KCNH1: variants seen among roughly 807,000 people sequenced by gnomAD.
KCNH1 encodes voltage-gated delayed rectifier potassium channel KCNH1.
A neutral mutation model predicts 69.2 loss-of-function variants in KCNH1; 27 were observed. The ratio of observed to expected loss-of-function variants is 0.39; its 90% CI spans 0.29 to 0.54. The LOEUF is 0.54. Ranked by LOEUF, KCNH1 falls within the 20% of genes least tolerant of loss-of-function variation. The pLI is 0.68. For missense variants in KCNH1, 798 were observed against 1,261.6 expected (o/e 0.63, Z 5.57); for synonymous variants, 456 against 487.7 (o/e 0.93, Z 0.86).
At chr1:210,995,133 G>A (rs775845849) in intron 6 of KCNH1, among the ~76,000 whole-genome samples, 1 of 152,042 alleles carries the variant, frequency 6.6e-6, no homozygotes, top group Non-Finnish European at 1.5e-5. Context: ...TACACAGAGA[G>A]GTGACAATAT....
At chr1:210,804,780 A>T (rs1684499833) in intron 7 of KCNH1, among the ~76,000 whole-genome samples, 1 of 152,210 alleles carries the variant, frequency 6.6e-6, no homozygotes. Flanking sequence ...GCAGTGAAGG[A>T]TGTTATATCC....
Position 211,026,543 on chromosome 1 carries a change from G to C in KCNH1, c.559-7287C>G, listed in dbSNP as rs567409102. On this transcript the variant is annotated intron_variant, in intron 5 of 10. Coordinates refer to ENST00000271751, the MANE Select transcript of KCNH1 (RefSeq NM_172362.3). ...TGTGCCCCCACCCCGCCTCAGCTACGCCAGCAGGGCCTACTAGGAAGCCTA... is the reference window on the plus strand; with the variant it reads ...TGTGCCCCCACCCCGCCTCAGCTACCCCAGCAGGGCCTACTAGGAAGCCTA... Among the ~76,000 whole-genome samples, 11 of 152,232 alleles carry C rather than the reference G, an allele frequency of 7.2e-5. No homozygotes were observed. In the East Asian group the frequency reaches 1.7e-3, roughly 24 times the overall value.
At chr1:210,839,229 G>A (rs534077289) in intron 7 of KCNH1, among the ~76,000 whole-genome samples, 17 of 152,284 alleles carry the variant, frequency 1.1e-4, no homozygotes, top group Middle Eastern at 3.4e-3. Flanking sequence ...CTATGCAGCC[G>A]TTAAAAGGAA....
intron 5 of KCNH1, among the ~76,000 whole-genome samples, chr1:211,073,678 G>T (rs1690684978): frequency 6.6e-6 from 1 of 151,986 alleles, no homozygotes; most frequent in Non-Finnish European, 1.5e-5. Context: ...ATGAAAAAGA[G>T]AATACAAATT....
At chr1:210,941,430 A>C (rs1687873479) in intron 6 of KCNH1, among the ~76,000 whole-genome samples, 1 of 152,138 alleles carries the variant, frequency 6.6e-6, no homozygotes. Flanking sequence ...AAGGTTTTAA[A>C]AAGCTGGTTT....
intron 7 of KCNH1, among the ~76,000 whole-genome samples, chr1:210,876,415 C>T (rs1686374465): frequency 6.6e-6 from 1 of 152,100 alleles, no homozygotes; most frequent in African/African-American, 2.4e-5. Context: ...GACAGCCACT[C>T]ATTGGAATTT....
intron 6 of KCNH1, among the ~76,000 whole-genome samples, chr1:210,971,178 C>T (rs1238676400): frequency 6.6e-6 from 1 of 152,048 alleles, no homozygotes; most frequent in East Asian, 1.9e-4. Flanking sequence ...GTCTCAAACT[C>T]CTGAGCTCAA....
At chr1:210,911,174 C>T (rs541442392) in intron 7 of KCNH1, among the ~76,000 whole-genome samples, 7 of 152,124 alleles carry the variant, frequency 4.6e-5, no homozygotes, top group Non-Finnish European at 8.8e-5. Context: ...CACAGATGCA[C>T]TATGATAAAT....
intron 6 of KCNH1, among the ~76,000 whole-genome samples, chr1:211,006,683 G>T (rs1011291250): frequency 3.3e-5 from 5 of 151,896 alleles, no homozygotes; most frequent in Admixed American, 1.3e-4. Context: ...CACTTTAAAA[G>T]AAATAATCAG....
At chr1:211,057,922 C>T (rs899891789) in intron 5 of KCNH1, among the ~76,000 whole-genome samples, 2 of 152,066 alleles carry the variant, frequency 1.3e-5, no homozygotes, top group African/African-American at 4.8e-5. Flanking sequence ...AATAATCAAA[C>T]TCCCAAAAGT....
chr1:210,747,712 A>G (rs1683192864), intron 10 of KCNH1, among the ~76,000 whole-genome samples: 2 of 151,960 alleles, frequency 1.3e-5, no homozygotes, highest in Non-Finnish European at 2.9e-5. Context: ...GCATGCTTGA[A>G]TGGCTTGAAT....
intron 9 of KCNH1, among the ~76,000 whole-genome samples, chr1:210,782,762 C>T (rs981543692): frequency 6.6e-6 from 1 of 152,014 alleles, no homozygotes; most frequent in Admixed American, 6.6e-5. Flanking sequence ...AGATTAGTGC[C>T]CTTATAAAAG....
intron 10 of KCNH1, among the ~76,000 whole-genome samples, chr1:210,739,090 T>C (rs1437539819): frequency 6.6e-6 from 1 of 152,220 alleles, no homozygotes; most frequent in African/African-American, 2.4e-5. Context: ...GTCAGACAGA[T>C]TGTCTTTCTA....
intron 7 of KCNH1, among the ~76,000 whole-genome samples, chr1:210,823,295 C>T (rs554036374): frequency 6.6e-6 from 1 of 152,198 alleles, no homozygotes; most frequent in African/African-American, 2.4e-5. Flanking sequence ...AAATGTTCCA[C>T]AAAAGAGAAC....
At chr1:211,095,140 A>G (rs1691122665) in intron 3 of KCNH1, among the ~76,000 whole-genome samples, 1 of 152,224 alleles carries the variant, frequency 6.6e-6, no homozygotes, top group Admixed American at 6.5e-5. Flanking sequence ...CTAGAGAGGC[A>G]ATAAATGCAA....
Position 211,019,124 on chromosome 1 carries a change from T to C in KCNH1, c.691A>G (p.Thr231Ala), listed in dbSNP as rs1330028407. ...ACATTATAAGGGACCAAGATGGCTG[T>C]ATAGAAGGTCAAGATCAAGATGATC... is the stretch of plus-strand genomic sequence containing the variant. ...DWIILILTFYTAILVPYNVSF... is the reference protein window; with the variant it reads ...DWIILILTFYAAILVPYNVSF... Residue 231 changes from threonine (T) to alanine (A), a missense_variant, in exon 6 of 11, where the codon ACA becomes GCA. Around this residue, in one of 4 missense-constraint regions of KCNH1, gnomAD observed 266 missense variants for 457.2 expected, o/e 0.58. Coordinates refer to ENST00000271751, the MANE Select transcript of KCNH1 (RefSeq NM_172362.3). The C allele has an allele frequency of 1.2e-6, 2 of 1,613,980 alleles. No individual in the cohort carries two copies. The highest frequency in any genetic ancestry group is 1.7e-5 in the Admixed American group (1 of 59,968).
chr1:211,089,892 T>C (rs1691022523), intron 4 of KCNH1, among the ~76,000 whole-genome samples: 2 of 152,250 alleles, frequency 1.3e-5, no homozygotes, highest in South Asian at 4.1e-4. Flanking sequence ...CCTGATGAGC[T>C]GGACCTCTTC....
At chr1:211,009,522 A>C (rs1274767584) in intron 6 of KCNH1, among the ~76,000 whole-genome samples, 2 of 152,132 alleles carry the variant, frequency 1.3e-5, no homozygotes, top group African/African-American at 4.8e-5. Flanking sequence ...GACCCACGAG[A>C]AGGAGGGAAG....
At chr1:210,698,595 G>A (rs929044148) in intron 10 of KCNH1, among the ~76,000 whole-genome samples, 2 of 152,260 alleles carry the variant, frequency 1.3e-5, no homozygotes, top group Non-Finnish European at 2.9e-5. Flanking sequence ...GAGCCTTTAT[G>A]TACCAGAATC....
Sources: gnomAD v4.1 joint callset for allele counts (sites outside exome capture counted in the v4.1 genomes callset) on GRCh38, gnomAD v4.1.1 for gene constraint, gnomAD v4.1.1 regional missense constraint, MANE v1.5 for transcripts, NCBI Gene and HGNC (gene_info 2026-07-23, HGNC 2026-07-21) for gene names.